MSL2: variants seen among roughly 807,000 people sequenced by gnomAD.
The protein encoded by MSL2 is E3 ubiquitin-protein ligase MSL2.
Under a neutral mutation model 35.8 loss-of-function variants are expected in MSL2, and 2 were observed. That is an observed-to-expected ratio of 0.06 (90% CI 0.02 to 0.18). The LOEUF is 0.18. Among genes scored for constraint, MSL2 ranks in the 10% least tolerant of loss-of-function variants. MSL2 has a pLI of 1.00. For missense variants in MSL2, 523 were observed against 706.7 expected, an observed-to-expected ratio of 0.74 and a Z score of 2.95; for synonymous variants, 296 against 255.7, an observed-to-expected ratio of 1.16 and a Z score of -1.50.
chr3:136,169,718 G>T (rs1243960472), intron 1 of MSL2, among the ~76,000 whole-genome samples: 1 of 151,948 alleles, frequency 6.6e-6, no homozygotes, highest in Non-Finnish European at 1.5e-5. Flanking sequence ...CTCCCAAAGT[G>T]CTGGGATTAC....
chr3:136,149,089 CTT>C lies in MSL2; in HGVS notation c.*2056_*2057del, dbSNP rs1346199794. ...GGCCCTCACATACTAATGATTTCCA[CTT>C]TGTCTATATTGCCAACCTCCCATGC... On this transcript the variant is annotated 3_prime_UTR_variant, in exon 2 of 2. Coordinates refer to ENST00000309993, the MANE Select transcript of MSL2 (RefSeq NM_018133.4). 1.3e-5 allele frequency: 2 copies of C among 150,558 alleles called. No homozygotes were observed. The highest frequency in any genetic ancestry group is 3.0e-5 in the Non-Finnish European group (2 of 67,762). The allele number at this position is 150,558 out of a possible 1,614,324, so 9.3% of individuals were successfully genotyped here. A position where few individuals can be genotyped will look rare whatever the true frequency, so the allele number is the denominator to read the frequency against.
intron 1 of MSL2, among the ~76,000 whole-genome samples, chr3:136,194,220 T>G (rs1940769181): frequency 6.6e-6 from 1 of 152,198 alleles, no homozygotes; most frequent in Non-Finnish European, 1.5e-5. Context: ...ACATTCAAAT[T>G]ATCACTTTTG....
At position 136,195,556 on chromosome 3, in the gene MSL2, T is replaced by G. The variant is rs1576382615; in HGVS notation, c.-443A>C. ...CGGCCCCGTCTGAGGCGCGGCACGCTTCTCCCGGGCTGCAGGGCCTCTTAC... is the reference window on the plus strand; with the variant it reads ...CGGCCCCGTCTGAGGCGCGGCACGCGTCTCCCGGGCTGCAGGGCCTCTTAC... On this transcript the variant is annotated 5_prime_UTR_variant, in exon 1 of 2. Transcript: ENST00000309993. 1 of 999,328 alleles carries G rather than the reference T, an allele frequency of 1.0e-6. No homozygotes were observed. 61.9% of individuals were successfully genotyped at this position (999,328 alleles called of 1,614,324 possible).
intron 1 of MSL2, among the ~76,000 whole-genome samples, chr3:136,172,012 C>G (rs1259168437): frequency 6.6e-6 from 1 of 152,134 alleles, no homozygotes; most frequent in Admixed American, 6.5e-5. Context: ...CTAACTCAGC[C>G]TTCTGCGTAG....
chr3:136,184,638 TTCTGAACAACCTCCAGCGTACAAGAAGG>T (rs1444054832), intron 1 of MSL2, among the ~76,000 whole-genome samples: 1 of 150,734 alleles, frequency 6.6e-6, no homozygotes, highest in Non-Finnish European at 1.5e-5. Flanking sequence ...AATTCCATGG[TTCTGAACAACCTCCAGCGTACAAGAAGG>T]GGCCTGGATA....
chr3:136,157,256 G>A (rs966870159), intron 1 of MSL2, among the ~76,000 whole-genome samples: 1 of 150,244 alleles, frequency 6.7e-6, no homozygotes, highest in Non-Finnish European at 1.5e-5. Flanking sequence ...AAGGCGGGCC[G>A]ATCACCTGAG....
chr3:136,193,345 G>A (rs1001092448), intron 1 of MSL2, among the ~76,000 whole-genome samples: 4 of 152,012 alleles, frequency 2.6e-5, no homozygotes, highest in Non-Finnish European at 5.9e-5. Flanking sequence ...AGAGAGCTAA[G>A]TTTCACCCAT....
intron 1 of MSL2, among the ~76,000 whole-genome samples, chr3:136,193,036 A>T (rs995175063): frequency 3.9e-5 from 6 of 152,340 alleles, no homozygotes; most frequent in Admixed American, 6.5e-5. Context: ...AGAACTCACG[A>T]TCTTTTCCAT....
chr3:136,187,607 T>C (rs908469933), intron 1 of MSL2, among the ~76,000 whole-genome samples: 3 of 151,130 alleles, frequency 2.0e-5, no homozygotes, highest in African/African-American at 4.9e-5. Context: ...GAGATGGACG[T>C]TGCAGTGAGC....
Position 136,150,000 on chromosome 3 carries a change from C to A in MSL2, c.*1147G>T, listed in dbSNP as rs1427856190. On this transcript the variant is annotated 3_prime_UTR_variant, in exon 2 of 2. Transcript: ENST00000309993. ...TCCCTTCAACAGAATGTTTGTGACT[C>A]ACTTGTCTTCCCCATAAAAATTAAC... 6.6e-6 allele frequency: 1 copy of A among 152,646 alleles called. No individual in the cohort carries two copies. Among genetic ancestry groups the A allele is most frequent in the Admixed American group, 6.5e-5 (1 of 15,284 alleles). 9.5% of individuals were successfully genotyped at this position (152,646 alleles called of 1,614,324 possible).
At chr3:136,192,289 C>T (rs1213721786) in intron 1 of MSL2, among the ~76,000 whole-genome samples, 1 of 152,156 alleles carries the variant, frequency 6.6e-6, no homozygotes, top group African/African-American at 2.4e-5. Flanking sequence ...GTCTGGAGAT[C>T]GGCCTCAGCC....
At chr3:136,161,077 G>A (rs1345212848) in intron 1 of MSL2, among the ~76,000 whole-genome samples, 1 of 152,030 alleles carries the variant, frequency 6.6e-6, no homozygotes, top group Non-Finnish European at 1.5e-5. Context: ...CAGAGCAAAG[G>A]TTCCATCTCA....
At chr3:136,177,987 T>C (rs932475740) in intron 1 of MSL2, among the ~76,000 whole-genome samples, 7 of 152,220 alleles carry the variant, frequency 4.6e-5, no homozygotes, top group African/African-American at 1.4e-4. Flanking sequence ...AAGTCAGTAC[T>C]TTATACATGC....
chr3:136,189,588 G>C (rs1421849028), intron 1 of MSL2, among the ~76,000 whole-genome samples: 1 of 151,108 alleles, frequency 6.6e-6, no homozygotes, highest in Non-Finnish European at 1.5e-5. Flanking sequence ...GCCGGGCGAG[G>C]TGGCGGGTGC....
At position 136,195,655 on chromosome 3, in the gene MSL2, G is replaced by C. The variant is rs953112223; in HGVS notation, c.-542C>G. On this transcript the variant is annotated 5_prime_UTR_variant, in exon 1 of 2. Coordinates refer to ENST00000309993, the MANE Select transcript of MSL2 (RefSeq NM_018133.4). ...GTCGGGCAGCGGCTTCCCGGATCTAGTGCAAGACGCCGCGGCGGCGACGAA... is the reference window on the plus strand; with the variant it reads ...GTCGGGCAGCGGCTTCCCGGATCTACTGCAAGACGCCGCGGCGGCGACGAA... The C allele has an allele frequency of 1.0e-5, 10 of 980,050 alleles. No individual in the cohort carries two copies. The African/African-American group carries it at 1.4e-4, about 14-fold the overall frequency. The allele number at this position is 980,050 out of a possible 1,614,324, so 60.7% of individuals were successfully genotyped here.
chr3:136,165,018 T>C (rs557700641), intron 1 of MSL2, among the ~76,000 whole-genome samples: 21 of 152,034 alleles, frequency 1.4e-4, no homozygotes, highest in Admixed American at 1.0e-3. Context: ...GGACCACAGG[T>C]GAGCACCACT....
At chr3:136,190,007 G>T (rs1253974369) in intron 1 of MSL2, among the ~76,000 whole-genome samples, 1 of 151,842 alleles carries the variant, frequency 6.6e-6, no homozygotes. Flanking sequence ...CCTGGACCCG[G>T]GAGACAAAGG....
At position 136,169,359 on chromosome 3, in the gene MSL2, C is replaced by A. The variant is rs1305650241; in HGVS notation, c.143-16621G>T. Among the ~76,000 whole-genome samples, 3 of 150,488 alleles carry A rather than the reference C, an allele frequency of 2.0e-5. No individual in the cohort carries two copies. The Admixed American group carries it at 2.0e-4, about 10-fold the overall frequency. On this transcript the variant is annotated intron_variant, in intron 1 of 1. Transcript: ENST00000309993. ...ACCTGTAACAATCAAATGAGGCTAA[C>A]TGGAATATCCATCACCTCAAACATT...
At chr3:136,159,587 G>C (rs1283744306) in intron 1 of MSL2, among the ~76,000 whole-genome samples, 3 of 150,732 alleles carry the variant, frequency 2.0e-5, no homozygotes, top group Admixed American at 6.6e-5. Flanking sequence ...AGCCAGGATG[G>C]TCTTGATCTC....
Sources: gnomAD v4.1 joint callset for allele counts (sites outside exome capture counted in the v4.1 genomes callset) on GRCh38, gnomAD v4.1.1 for gene constraint, MANE v1.5 for transcripts, NCBI Gene and HGNC (gene_info 2026-07-23, HGNC 2026-07-21) for gene names.